ANKRD18B: variants seen among roughly 807,000 people sequenced by gnomAD.
ANKRD18B encodes ankyrin repeat domain 18B, also known as ankyrin repeat domain-containing protein 18B.
Under a neutral mutation model 111.8 loss-of-function variants are expected in ANKRD18B, and 75 were observed. The observed-to-expected ratio is 0.67, with a 90% CI of 0.56 to 0.81. ANKRD18B has a LOEUF of 0.81. Among genes scored for constraint, ANKRD18B ranks in the 40% least tolerant of loss-of-function variants. The pLI is 0.00. For synonymous variants in ANKRD18B, 356 were observed against 417.3 expected, an observed-to-expected ratio of 0.85 and a Z score of 1.79; for missense variants, 1,038 against 1,225.5, an observed-to-expected ratio of 0.85 and a Z score of 2.28.
At chr9:33,541,329 A>T (rs1828276532) in intron 9 of ANKRD18B, 102 bp downstream of exon 9, 1 of 1,438,620 alleles carries the variant, frequency 7.0e-7, no homozygotes, top group African/African-American at 1.4e-5. Context: ...TCACAAATCC[A>T]TGGAGTACAT....
chr9:33,536,757 A>G lies in ANKRD18B; in HGVS notation c.741-121A>G, dbSNP rs181665795. On this transcript the variant is annotated intron_variant, in intron 5 of 18. Transcript: ENST00000684830. ...AGCTTAAAATTTTAAAGTGTATTGG[A>G]CATTAGATTTCTGATATTAGCTCTG... 1,245 of 603,742 alleles carry G rather than the reference A, an allele frequency of 2.1e-3. 16 individuals carry two copies. The African/African-American group carries it at 0.021, about 10-fold the overall frequency. 37.4% of individuals were successfully genotyped at this position (603,742 alleles called of 1,614,324 possible). A position where few individuals can be genotyped will look rare whatever the true frequency, so the allele number is the denominator to read the frequency against.
At chr9:33,549,812 C>G (rs916128939) in intron 11 of ANKRD18B, among the ~76,000 whole-genome samples, 1 of 152,132 alleles carries the variant, frequency 6.6e-6, no homozygotes, top group Non-Finnish European at 1.5e-5. Flanking sequence ...AATGTTTCCA[C>G]TGGCAGGTAT....
At chr9:33,546,454 G>A (rs1206736246) in intron 10 of ANKRD18B, among the ~76,000 whole-genome samples, 2 of 152,056 alleles carry the variant, frequency 1.3e-5, no homozygotes, top group African/African-American at 4.8e-5. Context: ...TGACATGTAT[G>A]ATTTTATCAT....
chr9:33,564,346 G>C (rs1828653903), intron 14 of ANKRD18B, among the ~76,000 whole-genome samples: 1 of 152,198 alleles, frequency 6.6e-6, no homozygotes, highest in South Asian at 2.1e-4. Flanking sequence ...ATATCCTCCA[G>C]ACTGATCCAC....
At chr9:33,573,437 C>A, downstream of ANKRD18B, 2 of 394,068 alleles carry the variant, frequency 5.1e-6, no homozygotes, top group Non-Finnish European at 6.9e-6. Flanking sequence ...CCCTGGGAGA[C>A]CCAGCAGCAC....
chr9:33,555,959 T>G lies in ANKRD18B; in HGVS notation c.2330+139T>G, dbSNP rs181529443. The G allele has an allele frequency of 2.5e-4, 166 of 671,112 alleles. 1 individual carries two copies. In the East Asian group the frequency reaches 5.6e-3, roughly 23 times the overall value. 41.6% of individuals were successfully genotyped at this position (671,112 alleles called of 1,614,324 possible). ...AATGAATTCTGTTTTAAAATATATTTCAGAAACTCACAACACAACTTTATA... is the reference window on the plus strand; with the variant it reads ...AATGAATTCTGTTTTAAAATATATTGCAGAAACTCACAACACAACTTTATA... On this transcript the variant is annotated intron_variant, in intron 13 of 18. Transcript: ENST00000684830.
chr9:33,535,211 T>G (rs1267696602), intron 5 of ANKRD18B, among the ~76,000 whole-genome samples: 1 of 152,114 alleles, frequency 6.6e-6, no homozygotes, highest in African/African-American at 2.4e-5. Flanking sequence ...GCCACCAGGA[T>G]GCCCTTACTG....
rs998030363 is a variant in ANKRD18B, at chr9:33,543,300, T to C, written c.1149+45T>C. 7 of 1,480,578 alleles carry C rather than the reference T, an allele frequency of 4.7e-6. No individual in the cohort carries two copies. The African/African-American group carries it at 8.4e-5, about 18-fold the overall frequency. 91.7% of individuals were successfully genotyped at this position (1,480,578 alleles called of 1,614,324 possible). On this transcript the variant is annotated intron_variant, in intron 10 of 18. Coordinates refer to ENST00000684830, the MANE Select transcript of ANKRD18B (RefSeq NM_001393611.1). ...TCTGGTTTAATATTGGTTTGTTTGT[T>C]TTTCTTTAATAACATAGCATAGTCC...
At position 33,552,688 on chromosome 9, in the gene ANKRD18B, T is replaced by TA. The variant is rs1306422134; in HGVS notation, c.2217+2110dup. ...TGTGAAGAATGATTCAGTGCATCTA[T>TA]AGGAGGCCACTTCCATTGGAATGCC... On this transcript the variant is annotated intron_variant, in intron 12 of 18. Coordinates refer to ENST00000684830, the MANE Select transcript of ANKRD18B (RefSeq NM_001393611.1). Among the ~76,000 whole-genome samples the TA allele has an allele frequency of 2.0e-5, 3 of 152,100 alleles. No individual in the cohort carries two copies. In the South Asian group the frequency reaches 6.2e-4, roughly 32 times the overall value.
At position 33,572,446 on chromosome 9, in the gene ANKRD18B, AC is replaced by A; in HGVS notation, c.*13del. 6.6e-7 allele frequency: 1 copy of A among 1,511,518 alleles called. No homozygotes were observed. The highest frequency in any genetic ancestry group is 1.3e-5 in the South Asian group (1 of 79,056). The allele number at this position is 1,511,518 out of a possible 1,614,324, so 93.6% of individuals were successfully genotyped here. A position where few individuals can be genotyped will look rare whatever the true frequency, so the allele number is the denominator to read the frequency against. The stretch of plus-strand genomic sequence containing the variant: ...GTTGTATGATTTAAAAGATCATAAA[AC>A]TTTATTACTGGGCTATTTACATGAA... On this transcript the variant is annotated 3_prime_UTR_variant, in exon 19 of 19. Coordinates refer to ENST00000684830, the MANE Select transcript of ANKRD18B (RefSeq NM_001393611.1).
Position 33,572,408 on chromosome 9 carries a change from A to C in ANKRD18B, c.3316A>C (p.Ile1106Leu), listed in dbSNP as rs1464339389. The C allele has an allele frequency of 5.1e-6, 8 of 1,583,000 alleles. No homozygotes were observed. In the African/African-American group the frequency reaches 1.1e-4, roughly 22 times the overall value. The change falls in exon 19 of 19, where the codon ATC becomes CTC. Residue 1106 changes from isoleucine (I) to leucine (L), a missense_variant. Ile to Leu is a conservative substitution (Grantham distance 5). Transcript: ENST00000684830. ...HLMKRIFNHK[I>L]LRKSCMI ...AATGAAGAGAATATTTAACCATAAA[A>C]TCTTAAGGAAAAGTTGTATGATTTA...
chr9:33,525,606 A>G (rs2117955288), intron 1 of ANKRD18B, among the ~76,000 whole-genome samples: 1 of 152,206 alleles, frequency 6.6e-6, no homozygotes, highest in East Asian at 1.9e-4. Context: ...GGTACATTTT[A>G]CGTTAACAGT....
In ANKRD18B at chr9:33,529,094, A is replaced by T. The variant is rs757604151; in HGVS notation, c.416A>T (p.His139Leu). The change falls in exon 3 of 19, where the codon CAT becomes CTT. Residue 139 changes from histidine to leucine, a missense_variant. Coordinates refer to ENST00000684830, the MANE Select transcript of ANKRD18B (RefSeq NM_001393611.1). ...IKDIYGNTAL[H>L]YAVYNEGTSL... ...GATATCTACGGCAACACTGCTCTCC[A>T]TTATGCCGTGTATAATGAGGGGACT... 1 of 1,612,062 alleles carries T rather than the reference A, an allele frequency of 6.2e-7. No homozygotes were observed. The highest frequency in any genetic ancestry group is 1.7e-5 in the Admixed American group (1 of 60,014).
At position 33,572,983 on chromosome 9, in the gene ANKRD18B, A is replaced by G. The variant is rs1828805937; in HGVS notation, c.*549A>G. 3.1e-6 allele frequency: 1 copy of G among 326,096 alleles called. No homozygotes were observed. The highest frequency in any genetic ancestry group is 4.8e-6 in the Non-Finnish European group (1 of 206,678). 20.2% of individuals were successfully genotyped at this position (326,096 alleles called of 1,614,324 possible). The stretch of plus-strand genomic sequence containing the variant: ...CTTCTTTGTTCTACATGGAGAAATA[A>G]AACCAATAAATAAAGGAGAAGGGAA... On this transcript the variant is annotated 3_prime_UTR_variant, in exon 19 of 19. Coordinates refer to ENST00000684830, the MANE Select transcript of ANKRD18B (RefSeq NM_001393611.1).
chr9:33,564,013 C>G (rs1828649116), intron 14 of ANKRD18B, among the ~76,000 whole-genome samples: 1 of 152,144 alleles, frequency 6.6e-6, no homozygotes, highest in Non-Finnish European at 1.5e-5. Flanking sequence ...GTCATCCAGG[C>G]TAGAGACAGT....
intron 4 of ANKRD18B, chr9:33,533,883 T>C (rs1156731249): frequency 1.2e-5 from 1 of 83,342 alleles, no homozygotes; most frequent in Non-Finnish European, 2.4e-5. Context: ...ATTACCATTA[T>C]CATTATTATT....
intron 14 of ANKRD18B, among the ~76,000 whole-genome samples, chr9:33,561,717 T>G (rs1403528908): frequency 6.6e-6 from 1 of 152,238 alleles, no homozygotes; most frequent in Non-Finnish European, 1.5e-5. Flanking sequence ...CTTTATAATT[T>G]TTTTTGCACA....
chr9:33,524,940 C>A (rs1828005410), intron 1 of ANKRD18B, among the ~76,000 whole-genome samples: 1 of 152,222 alleles, frequency 6.6e-6, no homozygotes, highest in Non-Finnish European at 1.5e-5. Flanking sequence ...TAGGGAGGTG[C>A]CTAATGAGAA....
intron 16 of ANKRD18B, among the ~76,000 whole-genome samples, chr9:33,567,737 C>T (rs1470283005): frequency 6.6e-6 from 1 of 152,184 alleles, no homozygotes; most frequent in Non-Finnish European, 1.5e-5. Context: ...ACTCTGGGCA[C>T]ATCCTGGCAC....
Sources: allele counts gnomAD v4.1 joint callset (sites outside exome capture counted in the v4.1 genomes callset), GRCh38; gene constraint gnomAD v4.1.1; transcripts MANE v1.5; gene names NCBI Gene and HGNC (gene_info 2026-07-23, HGNC 2026-07-21).